The following USP42 variants were observed in gnomAD, a reference collection of about 807,000 sequenced individuals.
USP42 encodes ubiquitin carboxyl-terminal hydrolase 42.
A neutral mutation model predicts 113.0 loss-of-function variants in USP42; 23 were observed. That is an observed-to-expected ratio of 0.20 (90% CI 0.15 to 0.29). The LOEUF (loss-of-function observed/expected upper bound fraction) is 0.29, where lower values mean the gene tolerates loss of function less well. USP42 is among the 10% of genes least tolerant of loss of function. USP42 has a pLI of 1.00. For missense variants in USP42, 2,174 were observed against 1,779.8 expected, an observed-to-expected ratio of 1.22 and a Z score of -3.99; for synonymous variants, 933 against 699.0, an observed-to-expected ratio of 1.33 and a Z score of -5.28.
At chr7:6,103,674 G>A (rs1790210710), upstream of USP42, among the ~76,000 whole-genome samples, 1 of 139,070 alleles carries the variant, frequency 7.2e-6, no homozygotes, top group Non-Finnish European at 1.5e-5. Flanking sequence ...GCTGAGGTGG[G>A]ACAATCGCTT....
chr7:6,091,102 T>C, the USP42 span, among the ~76,000 whole-genome samples: 12 of 151,244 alleles, frequency 7.9e-5, no homozygotes, highest in South Asian at 1.9e-3. Context: ...TACTTCGGTT[T>C]ATTGCATATG....
chr7:6,102,513 G>C (rs1281561004), upstream of USP42, among the ~76,000 whole-genome samples: 1 of 150,154 alleles, frequency 6.7e-6, no homozygotes, highest in Non-Finnish European at 1.5e-5. Flanking sequence ...TGTAATCCCA[G>C]CACTTTGGGA....
intron 1 of USP42, among the ~76,000 whole-genome samples, chr7:6,106,221 A>T (rs928862741): frequency 1.3e-5 from 2 of 152,206 alleles, no homozygotes; most frequent in African/African-American, 4.8e-5. Context: ...TGGTTTACTT[A>T]AGTATAATTA....
Position 6,158,923 on chromosome 7 carries a change from G to A in USP42, c.3944-527G>A, listed in dbSNP as rs1349071659. Among the ~76,000 whole-genome samples the A allele has an allele frequency of 6.7e-6, 1 of 150,122 alleles. No individual in the cohort carries two copies. The highest frequency in any genetic ancestry group is 2.1e-4 in the South Asian group (1 of 4,730). The stretch of plus-strand genomic sequence containing the variant: ...CGTGATCTTGTTTGCCTCGTGTCTC[G>A]GGTGCTGTGGTCAGGCGTTGTCTGT... On this transcript the variant is annotated intron_variant, in intron 16 of 17. Transcript: ENST00000306177. This position sits in a 1 kb window ranked among gnomAD's most constrained non-coding sequence, Gnocchi z 4.2.
chr7:6,155,710 T>G (rs1373042406), intron 15 of USP42, among the ~76,000 whole-genome samples: 1 of 152,174 alleles, frequency 6.6e-6, no homozygotes, highest in African/African-American at 2.4e-5. Flanking sequence ...TCGGCCTTTG[T>G]TTTTGTCTCC....
chr7:6,120,942 A>C (rs1780194167), intron 3 of USP42, among the ~76,000 whole-genome samples: 1 of 152,142 alleles, frequency 6.6e-6, no homozygotes, highest in Admixed American at 6.6e-5. Context: ...ATTTCAACTT[A>C]CTGATTGTTT....
At chr7:6,082,603 G>GTTTTTTTTTTTTTTTTTTTTT in the USP42 span, among the ~76,000 whole-genome samples, 1 of 90,196 alleles carries the variant, frequency 1.1e-5, no homozygotes, top group Non-Finnish European at 2.0e-5. Context: ...CTTTCTTTCT[G>GTTTTTTTTTTTTTTTTTTTTT]TTTTTTTTTT....
chr7:6,123,264 C>T (rs1022076561), intron 3 of USP42, among the ~76,000 whole-genome samples: 3 of 152,200 alleles, frequency 2.0e-5, no homozygotes, highest in African/African-American at 7.2e-5. Flanking sequence ...TGGCTCATGC[C>T]TGTAATCCCA....
chr7:6,109,040 G>A (rs1021105995), intron 1 of USP42, among the ~76,000 whole-genome samples: 5 of 152,192 alleles, frequency 3.3e-5, no homozygotes, highest in Admixed American at 1.3e-4. Flanking sequence ...GCACAGTACC[G>A]TAGAAATCAG....
intron 3 of USP42, among the ~76,000 whole-genome samples, chr7:6,134,856 G>C (rs1781042406): frequency 6.6e-6 from 1 of 152,172 alleles, no homozygotes; most frequent in South Asian, 2.1e-4. Flanking sequence ...TGTGATCACA[G>C]CTTACTGCAG....
In USP42 at chr7:6,158,305, A is replaced by T. The variant is rs987505681; in HGVS notation, c.3944-1145A>T. Among the ~76,000 whole-genome samples the T allele has an allele frequency of 6.6e-6, 1 of 152,136 alleles. No homozygotes were observed. Among genetic ancestry groups the T allele is most frequent in the Non-Finnish European group, 1.5e-5 (1 of 68,010 alleles). On this transcript the variant is annotated intron_variant, in intron 16 of 17. Coordinates refer to ENST00000306177, the MANE Select transcript of USP42 (RefSeq NM_032172.3). This position sits in a 1 kb window ranked among gnomAD's most constrained non-coding sequence, Gnocchi z 4.2. ...GCTCGCAAAGCGGAAAATGTTTATT[A>T]TTGCCCCTTGACAGAAAGGGTTTGT...
intron 14 of USP42, 26 bp downstream of exon 14, chr7:6,150,532 C>T (rs376440635): frequency 4.6e-5 from 73 of 1,598,520 alleles, no homozygotes; most frequent in Admixed American, 3.8e-4. Context: ...ATCTGAGGCA[C>T]GTGTGGCAGC....
rs1405689769 is a variant in USP42, at chr7:6,160,925, A to G, written c.*407A>G. The G allele has an allele frequency of 6.6e-6, 1 of 152,662 alleles. No individual in the cohort carries two copies. Among genetic ancestry groups the G allele is most frequent in the East Asian group, 1.9e-4 (1 of 5,200 alleles). The allele number at this position is 152,662 out of a possible 1,614,324, so 9.5% of individuals were successfully genotyped here. A position where few individuals can be genotyped will look rare whatever the true frequency, so the allele number is the denominator to read the frequency against. On this transcript the variant is annotated 3_prime_UTR_variant, in exon 18 of 18. Coordinates refer to ENST00000306177, the MANE Select transcript of USP42 (RefSeq NM_032172.3). ...GACCATGGAATTGTCAAAAGTACAA[A>G]CTGACAGTGTGTATATTTAATTTAA... is the stretch of plus-strand genomic sequence containing the variant.
chr7:6,150,948 G>A (rs1343294823), intron 14 of USP42, among the ~76,000 whole-genome samples: 2 of 152,220 alleles, frequency 1.3e-5, no homozygotes, highest in South Asian at 2.1e-4. Context: ...TTGGGGATGT[G>A]GTTGTCATGC....
chr7:6,113,974 T>G (rs1779742749), intron 2 of USP42, among the ~76,000 whole-genome samples: 1 of 152,308 alleles, frequency 6.6e-6, no homozygotes, highest in East Asian at 1.9e-4. Flanking sequence ...TTTGAAAAAT[T>G]AGTCTTGCCA....
intron 2 of USP42, chr7:6,112,055 G>T (rs1779625062): frequency 6.6e-6 from 1 of 152,148 alleles, no homozygotes; most frequent in Admixed American, 6.6e-5. Context: ...TTTGTAAAAT[G>T]GTTGTCTTTT....
In USP42 at chr7:6,154,924, G is replaced by T. The variant is rs777580233; in HGVS notation, c.3370G>T (p.Ala1124Ser). Residue 1124 changes from alanine to serine, a missense_variant, in exon 15 of 18, where the codon GCC becomes TCC. By Grantham distance (99) the Ala-to-Ser change is moderately conservative. Coordinates refer to ENST00000306177, the MANE Select transcript of USP42 (RefSeq NM_032172.3). ...CAGCCCCCGCGCAGGCGCGCCCCACGCCCTCGCCCCGCACCCCGACCGCTT... is the reference window on the plus strand; with the variant it reads ...CAGCCCCCGCGCAGGCGCGCCCCACTCCCTCGCCCCGCACCCCGACCGCTT... ...PSSPRAGAPH[A>S]LAPHPDRFSH... 15 of 1,549,712 alleles carry T rather than the reference G, an allele frequency of 9.7e-6. No homozygotes were observed. In the Admixed American group the frequency reaches 2.9e-4, roughly 30 times the overall value.
the USP42 span, among the ~76,000 whole-genome samples, chr7:6,090,138 T>C: frequency 6.8e-6 from 1 of 147,742 alleles, no homozygotes; most frequent in Non-Finnish European, 1.5e-5. Flanking sequence ...CCGCCTCTAC[T>C]AAAAACACAA....
intron 3 of USP42, among the ~76,000 whole-genome samples, chr7:6,119,271 T>C (rs544236413): frequency 7.9e-4 from 120 of 152,138 alleles, no homozygotes; most frequent in Non-Finnish European, 1.1e-3. Flanking sequence ...CTCCGAGTTA[T>C]GCTGTAGCCT....
Sources: allele counts gnomAD v4.1 joint callset (sites outside exome capture counted in the v4.1 genomes callset), GRCh38; gene constraint gnomAD v4.1.1; non-coding constraint Gnocchi (gnomAD v3.1); transcripts MANE v1.5; gene names NCBI Gene and HGNC (gene_info 2026-07-23, HGNC 2026-07-21).